The following COL27A1 variants were observed in gnomAD, a reference collection of about 807,000 sequenced individuals.
COL27A1 encodes collagen type XXVII alpha 1 chain, also known as collagen alpha-1(XXVII) chain.
In COL27A1, 106 loss-of-function variants were observed where a neutral mutation model predicts 251.3. The observed-to-expected ratio is 0.42, with a 90% confidence interval of 0.36 to 0.50. The LOEUF (loss-of-function observed/expected upper bound fraction) is 0.50, where lower values mean the gene tolerates loss of function less well. Ranked by LOEUF, COL27A1 falls within the 20% of genes least tolerant of loss-of-function variation. COL27A1 has a pLI of 0.00. For missense variants in COL27A1, 2,325 were observed against 2,522.8 expected, an observed-to-expected ratio of 0.92 and a Z score of 1.68; for synonymous variants, 1,000 against 986.3, an observed-to-expected ratio of 1.01 and a Z score of -0.26.
chr9:114,235,444 A>G (rs560162635), intron 16 of COL27A1, among the ~76,000 whole-genome samples, 155 bp from the exon 17 acceptor site: 1 of 152,110 alleles, frequency 6.6e-6, no homozygotes, highest in Non-Finnish European at 1.5e-5. Context: ...TTTCCTCGCC[A>G]GGGGCCCGTC....
rs1360167286 is a variant in COL27A1 at position 114,240,335 on chromosome 9, G to A, written c.2781+62G>A. On this transcript the variant is annotated intron_variant, in intron 20 of 60. Coordinates refer to ENST00000356083, the MANE Select transcript of COL27A1 (RefSeq NM_032888.4). Reference sequence around the variant, plus strand: ...CAGACAGCTCTGCAGAAACCACAGGGGCTGGCTGCCTGGCTTGGAAGCAGG... The same window carrying A: ...CAGACAGCTCTGCAGAAACCACAGGAGCTGGCTGCCTGGCTTGGAAGCAGG... The A allele has an allele frequency of 1.1e-5, 17 of 1,581,944 alleles. No homozygotes were observed. The Admixed American group carries it at 2.2e-4, about 21-fold the overall frequency.
rs1006053414 is a variant in COL27A1, at chr9:114,252,876, C to A, written c.3088-3C>A. On this transcript the variant is annotated splice_polypyrimidine_tract_variant and splice_region_variant and intron_variant, in intron 26 of 60. Transcript: ENST00000356083. ...TCCTCCTTTGTCTTCTCTGTCTTGGCAGGGTCATCCTGGAATGCCAGGTGG... is the reference window on the plus strand; with the variant it reads ...TCCTCCTTTGTCTTCTCTGTCTTGGAAGGGTCATCCTGGAATGCCAGGTGG... 1 of 1,613,768 alleles carries A rather than the reference C, an allele frequency of 6.2e-7. No individual in the cohort carries two copies. The highest frequency in any genetic ancestry group is 1.1e-5 in the South Asian group (1 of 91,070).
At chr9:114,291,122 A>G (rs997719319) in intron 48 of COL27A1, among the ~76,000 whole-genome samples, 15 of 152,274 alleles carry the variant, frequency 9.9e-5, no homozygotes, top group African/African-American at 3.6e-4. Context: ...AGCTGTAAAT[A>G]TCGCCCCTAC....
Position 114,307,716 on chromosome 9 carries a change from G to A in COL27A1, c.5155G>A (p.Glu1719Lys), listed in dbSNP as rs1460084235. ...PNLGCSSDTI[E>K]VSCNFTHGGQ... ...CCTTGGCTGCTCCTCTGACACCATCGAGGTCTCCTGCAACTTCACTCATGG... is the reference window on the plus strand; with the variant it reads ...CCTTGGCTGCTCCTCTGACACCATCAAGGTCTCCTGCAACTTCACTCATGG... Residue 1719 changes from glutamate to lysine, a missense_variant, in exon 59 of 61, where the codon GAG (glutamate) becomes AAG (lysine). Glu to Lys is a moderately conservative substitution (Grantham distance 56, BLOSUM62 1). This residue lies in a region of COL27A1 where 327 missense variants were observed against 442.8 expected (regional missense o/e 0.74). Transcript: ENST00000356083. 3.7e-6 allele frequency: 6 copies of A among 1,614,078 alleles called. No individual in the cohort carries two copies. Among genetic ancestry groups the A allele is most frequent in the Non-Finnish European group, 5.1e-6 (6 of 1,180,010 alleles).
chr9:114,168,973 C>G lies in COL27A1; in HGVS notation c.1418C>G (p.Ser473Cys). Residue 473 changes from serine to cysteine, a missense_variant, in exon 3 of 61, where the codon TCT becomes TGT. By Grantham distance (112) the Ser-to-Cys change is moderately radical. Coordinates refer to ENST00000356083, the MANE Select transcript of COL27A1 (RefSeq NM_032888.4). ...KITSHASKPA[S>C]ARTSTHKPPP... Reference sequence around the variant, plus strand: ...ACCAGCCATGCCAGTAAGCCGGCCTCTGCCCGCACCAGCACCCACAAACCT... The same window carrying G: ...ACCAGCCATGCCAGTAAGCCGGCCTGTGCCCGCACCAGCACCCACAAACCT... 1 of 1,614,180 alleles carries G rather than the reference C, an allele frequency of 6.2e-7. No individual in the cohort carries two copies. The highest frequency in any genetic ancestry group is 8.5e-7 in the Non-Finnish European group (1 of 1,180,050).
At chr9:114,278,130 C>T (rs1319298732) in intron 37 of COL27A1, among the ~76,000 whole-genome samples, 1 of 151,464 alleles carries the variant, frequency 6.6e-6, no homozygotes, top group African/African-American at 2.4e-5. Flanking sequence ...GAGAAAGTGA[C>T]TAGAGGCTGG....
chr9:114,275,445 C>T (rs748610284), intron 36 of COL27A1, among the ~76,000 whole-genome samples: 5 of 152,282 alleles, frequency 3.3e-5, no homozygotes, highest in Admixed American at 1.3e-4. Flanking sequence ...GGAGCCTCTA[C>T]GTCTGGGATG....
At chr9:114,200,004 C>G (rs902406758) in intron 7 of COL27A1, among the ~76,000 whole-genome samples, 5 of 152,202 alleles carry the variant, frequency 3.3e-5, no homozygotes, top group Non-Finnish European at 7.3e-5. Flanking sequence ...CTGTTGCCCC[C>G]ACCCTGCCCC....
intron 27 of COL27A1, among the ~76,000 whole-genome samples, chr9:114,255,933 G>A (rs1033680439): frequency 5.3e-5 from 8 of 152,336 alleles, no homozygotes; most frequent in African/African-American, 1.7e-4. Flanking sequence ...CTGTAAGTCA[G>A]CATGATGCCA....
At chr9:114,285,156 G>A (rs1588871680) in intron 41 of COL27A1, among the ~76,000 whole-genome samples, 1 of 152,380 alleles carries the variant, frequency 6.6e-6, no homozygotes, top group East Asian at 1.9e-4. Flanking sequence ...ACCCAGTGAA[G>A]AGTGGGGAGA....
At chr9:114,157,105 T>C (rs75150432) in intron 1 of COL27A1, among the ~76,000 whole-genome samples, 44,589 of 115,478 alleles carry the variant, frequency 0.39, 7,554 homozygotes, top group South Asian at 0.49. Flanking sequence ...CACACACACA[T>C]ACGCGCGCGC....
chr9:114,245,539 C>T (rs1833072865), intron 23 of COL27A1, among the ~76,000 whole-genome samples: 1 of 152,190 alleles, frequency 6.6e-6, no homozygotes, highest in Non-Finnish European at 1.5e-5. Context: ...AGGCAGGTCA[C>T]TTCACCTCTC....
At chr9:114,211,941 C>T (rs914678089) in intron 12 of COL27A1, among the ~76,000 whole-genome samples, 1 of 152,162 alleles carries the variant, frequency 6.6e-6, no homozygotes, top group Non-Finnish European at 1.5e-5. Flanking sequence ...GGCCTCCCAT[C>T]GCTGGTGGTT....
At chr9:114,218,998 A>C (rs747258892) in intron 12 of COL27A1, among the ~76,000 whole-genome samples, 6 of 151,584 alleles carry the variant, frequency 4.0e-5, no homozygotes, top group Non-Finnish European at 7.4e-5. Flanking sequence ...CAATGATTTG[A>C]ATTCAAGGAG....
At chr9:114,165,368 C>A (rs1182538579) in intron 2 of COL27A1, among the ~76,000 whole-genome samples, 1 of 151,768 alleles carries the variant, frequency 6.6e-6, no homozygotes, top group African/African-American at 2.4e-5. Flanking sequence ...TCCATCCATT[C>A]ATCCATCCAT....
At chr9:114,192,997 G>T (rs529763868) in intron 5 of COL27A1, among the ~76,000 whole-genome samples, 4 of 151,748 alleles carry the variant, frequency 2.6e-5, no homozygotes, top group African/African-American at 9.8e-5. Context: ...GGAAGCTGGC[G>T]TGTGTTTGTG....
chr9:114,161,302 C>T (rs1249486172), intron 1 of COL27A1, among the ~76,000 whole-genome samples: 2 of 152,140 alleles, frequency 1.3e-5, no homozygotes. Flanking sequence ...TCTTATTGGC[C>T]TCATTTGGGT....
Position 114,301,687 on chromosome 9 carries a change from TCCCGGCCCCAGAGGGCGG to T in COL27A1, c.4825_4842del (p.Arg1609_Pro1614del). Reference sequence around the variant, plus strand: ...TTCTTCTCTTGTTCCCCCAGGGTCCTCCCGGCCCCAGAGGGCGGCCCGGCCCCCCGGTAGGTAACTGAG... The same window carrying T: ...TTCTTCTCTTGTTCCCCCAGGGTCCTCCCGGCCCCCCGGTAGGTAACTGAG... On this transcript the variant is annotated inframe_deletion, in exon 55 of 61. Transcript: ENST00000356083. 1 of 1,611,118 alleles carries T rather than the reference TCCCGGCCCCAGAGGGCGG, an allele frequency of 6.2e-7. No homozygotes were observed. The highest frequency in any genetic ancestry group is 2.2e-5 in the East Asian group (1 of 44,830).
At chr9:114,200,756 C>T (rs1362932518) in intron 7 of COL27A1, among the ~76,000 whole-genome samples, 1 of 152,238 alleles carries the variant, frequency 6.6e-6, no homozygotes, top group Non-Finnish European at 1.5e-5. Context: ...CTACTCTAGG[C>T]ATGTGTTTCT....
Sources: gnomAD v4.1 joint callset for allele counts (sites outside exome capture counted in the v4.1 genomes callset) on GRCh38, gnomAD v4.1.1 for gene constraint, gnomAD v4.1.1 regional missense constraint, MANE v1.5 for transcripts, NCBI Gene and HGNC (gene_info 2026-07-23, HGNC 2026-07-21) for gene names.